NECTIN4: variants seen among roughly 807,000 people sequenced by gnomAD.
NECTIN4 encodes nectin-4.
Under a neutral mutation model 51.7 loss-of-function variants are expected in NECTIN4, and 19 were observed. The ratio of observed to expected loss-of-function variants is 0.37; its 90% CI spans 0.26 to 0.54. The LOEUF (loss-of-function observed/expected upper bound fraction) is 0.54. Ranked by LOEUF, NECTIN4 falls within the 20% of genes least tolerant of loss-of-function variation. The probability of loss-of-function intolerance (pLI) is 0.86; values close to 1 mark genes in which losing one functional copy is unlikely to be tolerated. For missense variants in NECTIN4, 619 were observed against 662.4 expected, an observed-to-expected ratio of 0.93 and a Z score of 0.72; for synonymous variants, 283 against 286.9, an observed-to-expected ratio of 0.99 and a Z score of 0.14.
rs1653133217 is a variant in NECTIN4, at chr1:161,071,283, T to C, written c.*1378A>G. ...ACTCCAGCCCCAACCCAGAGAAACA[T>C]CCAGAAGAGCCTTGAATTAGTGATC... On this transcript the variant is annotated 3_prime_UTR_variant, in exon 9 of 9. Coordinates refer to ENST00000368012, the MANE Select transcript of NECTIN4 (RefSeq NM_030916.3). The C allele has an allele frequency of 1.3e-5, 2 of 151,938 alleles. No individual in the cohort carries two copies. The highest frequency in any genetic ancestry group is 1.3e-4 in the Admixed American group (2 of 15,240). The allele number at this position is 151,938 out of a possible 1,614,324, so 9.4% of individuals were successfully genotyped here.
rs535513577 is a variant in NECTIN4 at position 161,074,698 on chromosome 1, G to A, written c.913C>T (p.Leu305=). 2.5e-6 allele frequency: 4 copies of A among 1,614,228 alleles called. No homozygotes were observed. The Admixed American group carries it at 6.7e-5, about 27-fold the overall frequency. Residue 305 remains leucine, a synonymous_variant, in exon 5 of 9, where the codon CTG becomes TTG. Coordinates refer to ENST00000368012, the MANE Select transcript of NECTIN4 (RefSeq NM_030916.3). ...TAGATGCCGCTGTGCTCAGTGGTCA[G>A]TGGGGGAAAGCCCAAAGTGTCCCCA... is the stretch of plus-strand genomic sequence containing the variant. ...VDGDTLGFPP[L]TTEHSGIYVC... is the part of the protein sequence containing the mutation.
At position 161,079,725 on chromosome 1, in the gene NECTIN4, G is replaced by T; in HGVS notation, c.304C>A (p.Pro102Thr). 1 of 1,609,360 alleles carries T rather than the reference G, an allele frequency of 6.2e-7. No individual in the cohort carries two copies. Among genetic ancestry groups the T allele is most frequent in the Non-Finnish European group, 8.5e-7 (1 of 1,179,790 alleles). ...CCGTCCAGGGGGTTGCGTGGGGGCG[G>T]CGGCTGCTCCACGCGGCCCTCGTAA... ...PAYEGRVEQP[P>T]PPRNPLDGSV... Residue 102 changes from proline (P) to threonine (T), a missense_variant, in exon 2 of 9, where the codon CCG becomes ACG. Physicochemically the swap from Pro to Thr is conservative, Grantham distance 38 (BLOSUM62 -1). This residue lies in a region of NECTIN4 where 218 missense variants were observed against 186.3 expected (regional missense o/e 1.17). Transcript: ENST00000368012.
rs561171769 is a variant in NECTIN4 at position 161,089,291 on chromosome 1, G to A, written c.6C>T (p.Pro2=). Reference sequence around the variant, plus strand: ...CCCACATCTCGGCTCCCAGGGACAGGGGCATGGTTGAAAGGCAGACTGCCC... The same window carrying A: ...CCCACATCTCGGCTCCCAGGGACAGAGGCATGGTTGAAAGGCAGACTGCCC... M[P]LSLGAEMWGP... Residue 2 remains proline, a synonymous_variant, in exon 1 of 9, where the codon CCC becomes CCT. Transcript: ENST00000368012. The surrounding 1 kb of genome is among the most constrained non-coding windows in gnomAD (Gnocchi z 4.1). The A allele has an allele frequency of 6.2e-7, 1 of 1,609,424 alleles. No homozygotes were observed. Among genetic ancestry groups the A allele is most frequent in the Admixed American group, 1.7e-5 (1 of 60,010 alleles).
In NECTIN4 at chr1:161,089,100, A is replaced by G; in HGVS notation, c.79+118T>C. 1.1e-6 allele frequency: 1 copy of G among 951,328 alleles called. No individual in the cohort carries two copies. Among genetic ancestry groups the G allele is most frequent in the Non-Finnish European group, 1.7e-6 (1 of 587,744 alleles). The allele number at this position is 951,328 out of a possible 1,614,324, so 58.9% of individuals were successfully genotyped here. On this transcript the variant is annotated intron_variant, in intron 1 of 8. Coordinates refer to ENST00000368012, the MANE Select transcript of NECTIN4 (RefSeq NM_030916.3). This position sits in a 1 kb window ranked among gnomAD's most constrained non-coding sequence, Gnocchi z 4.1. ...GCAGGAGAGACTGGATCCTCAGTTC[A>G]GAGTCAAAGAAAGGAGGATATGTGT... is the stretch of plus-strand genomic sequence containing the variant.
intron 1 of NECTIN4, chr1:161,087,299 G>C (rs1653991708): frequency 6.6e-6 from 1 of 152,180 alleles, no homozygotes; most frequent in African/African-American, 2.4e-5. Context: ...AGCAGCAGCA[G>C]AGTGGCCTCC....
intron 2 of NECTIN4, among the ~76,000 whole-genome samples, chr1:161,078,076 T>C (rs757536770): frequency 1.2e-4 from 18 of 152,268 alleles, no homozygotes; most frequent in South Asian, 2.1e-4. Flanking sequence ...ATAAATGTTA[T>C]CTCAAATTCT....
intron 1 of NECTIN4, among the ~76,000 whole-genome samples, chr1:161,085,694 C>T (rs1054080132): frequency 2.0e-5 from 3 of 149,414 alleles, no homozygotes; most frequent in Non-Finnish European, 4.5e-5. Context: ...AACTTCGCCT[C>T]CTCTTTTTTT....
chr1:161,075,284 G>T (rs889108159), intron 4 of NECTIN4, among the ~76,000 whole-genome samples: 1 of 152,188 alleles, frequency 6.6e-6, no homozygotes, highest in African/African-American at 2.4e-5. Context: ...TCAGATCTTG[G>T]AAAAAGGCCA....
intron 5 of NECTIN4, 26 bp downstream of exon 5, chr1:161,074,585 C>G: frequency 1.2e-6 from 2 of 1,614,048 alleles, no homozygotes; most frequent in South Asian, 2.2e-5. Flanking sequence ...CAGGTCCTTA[C>G]CAAGGACTTC....
chr1:161,089,399 G>T lies in NECTIN4; in HGVS notation c.-103C>A. On this transcript the variant is annotated 5_prime_UTR_variant, in exon 1 of 9. Transcript: ENST00000368012. The surrounding 1 kb of genome is among the most constrained non-coding windows in gnomAD (Gnocchi z 4.1). ...GAACTGACCCAGAAGGCAGGAAGCT[G>T]CAGAGTTCTTGCCTCTCGCACTTGG... 8.9e-7 allele frequency: 1 copy of T among 1,125,220 alleles called. No individual in the cohort carries two copies. Among genetic ancestry groups the T allele is most frequent in the Non-Finnish European group, 1.3e-6 (1 of 761,370 alleles). The allele number at this position is 1,125,220 out of a possible 1,614,324, so 69.7% of individuals were successfully genotyped here.
chr1:161,089,385 G>A lies in NECTIN4; in HGVS notation c.-89C>T. 1 of 1,244,072 alleles carries A rather than the reference G, an allele frequency of 8.0e-7. No homozygotes were observed. Among genetic ancestry groups the A allele is most frequent in the South Asian group, 1.2e-5 (1 of 82,214 alleles). The allele number at this position is 1,244,072 out of a possible 1,614,324, so 77.1% of individuals were successfully genotyped here. On this transcript the variant is annotated 5_prime_UTR_variant, in exon 1 of 9. Transcript: ENST00000368012. The surrounding 1 kb of genome is among the most constrained non-coding windows in gnomAD (Gnocchi z 4.1). ...CAGACTTGAATAAGGAACTGACCCAGAAGGCAGGAAGCTGCAGAGTTCTTG... is the reference window on the plus strand; with the variant it reads ...CAGACTTGAATAAGGAACTGACCCAAAAGGCAGGAAGCTGCAGAGTTCTTG...
In NECTIN4 at chr1:161,072,323, A is replaced by G. The variant is rs1557942130; in HGVS notation, c.*338T>C. On this transcript the variant is annotated 3_prime_UTR_variant, in exon 9 of 9. Transcript: ENST00000368012. ...CGCAACCACTCAAATCCCGTGGCAC[A>G]TACACCACAGTTCACTTGACTCTGA... The G allele has an allele frequency of 4.7e-6, 2 of 423,224 alleles. No individual in the cohort carries two copies. Among genetic ancestry groups the G allele is most frequent in the East Asian group, 1.0e-4 (2 of 19,314 alleles). 26.2% of individuals were successfully genotyped at this position (423,224 alleles called of 1,614,324 possible).
chr1:161,073,450 C>T, intron 7 of NECTIN4, 151 bp from the exon 8 acceptor site: 2 of 743,632 alleles, frequency 2.7e-6, no homozygotes, highest in Non-Finnish European at 4.6e-6. Context: ...TCCTCATTTC[C>T]CCACTGCGAC....
Position 161,072,572 on chromosome 1 carries a change from T to A in NECTIN4, c.*89A>T. ...GATGGGGAGCATCTTCCGCAAGAAATGGGGGTGTTTAAGGAGGCCCCCAAG... is the reference window on the plus strand; with the variant it reads ...GATGGGGAGCATCTTCCGCAAGAAAAGGGGGTGTTTAAGGAGGCCCCCAAG... On this transcript the variant is annotated 3_prime_UTR_variant, in exon 9 of 9. Transcript: ENST00000368012. The A allele has an allele frequency of 9.4e-7, 1 of 1,065,484 alleles. No individual in the cohort carries two copies. Among genetic ancestry groups the A allele is most frequent in the South Asian group, 1.3e-5 (1 of 79,120 alleles). The allele number at this position is 1,065,484 out of a possible 1,614,324, so 66.0% of individuals were successfully genotyped here. A position where few individuals can be genotyped will look rare whatever the true frequency, so the allele number is the denominator to read the frequency against.
intron 4 of NECTIN4, among the ~76,000 whole-genome samples, chr1:161,075,149 A>G (rs1653360728): frequency 6.6e-6 from 1 of 152,238 alleles, no homozygotes; most frequent in African/African-American, 2.4e-5. Context: ...GTTGCATGGC[A>G]GGATACACAA....
chr1:161,078,934 C>T (rs1653539919), intron 2 of NECTIN4, among the ~76,000 whole-genome samples: 1 of 152,112 alleles, frequency 6.6e-6, no homozygotes, highest in Non-Finnish European at 1.5e-5. Flanking sequence ...ATGGCGTGAA[C>T]CCGGGAGGCG....
At position 161,072,444 on chromosome 1, in the gene NECTIN4, C is replaced by A; in HGVS notation, c.*217G>T. The stretch of plus-strand genomic sequence containing the variant: ...GTCAGTCAACACTCACACAGGCACA[C>A]ATGCACACACACAGTGACCTGCATG... On this transcript the variant is annotated 3_prime_UTR_variant, in exon 9 of 9. Transcript: ENST00000368012. The A allele has an allele frequency of 1.6e-6, 1 of 625,058 alleles. No homozygotes were observed. The highest frequency in any genetic ancestry group is 2.9e-6 in the Non-Finnish European group (1 of 345,304). The allele number at this position is 625,058 out of a possible 1,614,324, so 38.7% of individuals were successfully genotyped here.
intron 4 of NECTIN4, among the ~76,000 whole-genome samples, chr1:161,075,238 A>C (rs1287945607): frequency 6.6e-6 from 1 of 152,136 alleles, no homozygotes; most frequent in Non-Finnish European, 1.5e-5. Context: ...GCTCACACAC[A>C]TGTGTACCCA....
intron 4 of NECTIN4, 34 bp from the exon 5 acceptor site, chr1:161,074,793 G>A (rs764050465): frequency 1.7e-5 from 27 of 1,606,324 alleles, no homozygotes; most frequent in Non-Finnish European, 2.3e-5. Context: ...GTGCCAGCCG[G>A]GAAGGGCTGA....
Sources: gnomAD v4.1 joint callset for allele counts (sites outside exome capture counted in the v4.1 genomes callset) on GRCh38, gnomAD v4.1.1 for gene constraint, gnomAD v4.1.1 regional missense constraint, Gnocchi (gnomAD v3.1) non-coding constraint, MANE v1.5 for transcripts, NCBI Gene and HGNC (gene_info 2026-07-23, HGNC 2026-07-21) for gene names.